Variants in ROCK2 observed in about 807,000 individuals in gnomAD.
ROCK2 encodes the protein Rho associated coiled-coil containing protein kinase 2, also known as rho-associated protein kinase 2.
ROCK2 carries 61 observed loss-of-function variants against 195.1 expected under a neutral mutation model. That is an observed-to-expected ratio of 0.31 (90% CI 0.25 to 0.39). ROCK2 has a LOEUF of 0.39. Among genes scored for constraint, ROCK2 ranks in the 10% least tolerant of loss-of-function variants. The pLI is 1.00. For synonymous variants in ROCK2, 504 were observed against 545.5 expected (o/e 0.92, Z 1.06); for missense variants, 1,109 against 1,637.4 (o/e 0.68, Z 5.57).
chr2:11,270,720 ATC>A (rs1395902376), intron 3 of ROCK2, among the ~76,000 whole-genome samples: 1 of 152,166 alleles, frequency 6.6e-6, no homozygotes, highest in Non-Finnish European at 1.5e-5. Flanking sequence ...TAGGATTTCT[ATC>A]TCTCTACTCA....
chr2:11,334,040 C>T (rs530184320), intron 1 of ROCK2, among the ~76,000 whole-genome samples: 1 of 152,316 alleles, frequency 6.6e-6, no homozygotes, highest in Non-Finnish European at 1.5e-5. Flanking sequence ...TACATGATCT[C>T]CAAATTAATT....
intron 1 of ROCK2, among the ~76,000 whole-genome samples, chr2:11,318,297 T>C (rs1668289326): frequency 6.6e-6 from 1 of 152,238 alleles, no homozygotes; most frequent in African/African-American, 2.4e-5. Context: ...TTTTTAATGA[T>C]AGCCATTCTA....
At chr2:11,263,840 T>C (rs946021933) in intron 3 of ROCK2, among the ~76,000 whole-genome samples, 16 of 151,236 alleles carry the variant, frequency 1.1e-4, no homozygotes, top group Admixed American at 3.3e-4. Flanking sequence ...AAAAGATCCA[T>C]TGAATATACA....
intron 3 of ROCK2, among the ~76,000 whole-genome samples, chr2:11,259,708 T>C (rs7603029): frequency 0.079 from 11,947 of 151,330 alleles, 1,119 homozygotes; most frequent in African/African-American, 0.17. Context: ...TAAGCAGTCC[T>C]ATTTGGCACT....
At chr2:11,199,604 TA>T (rs1663778969) in intron 23 of ROCK2, among the ~76,000 whole-genome samples, 1 of 152,064 alleles carries the variant, frequency 6.6e-6, no homozygotes, top group African/African-American at 2.4e-5. Flanking sequence ...GTGCTGCAAT[TA>T]CAGGCATGAG....
At chr2:11,279,438 C>T (rs1292874191) in intron 3 of ROCK2, among the ~76,000 whole-genome samples, 1 of 152,166 alleles carries the variant, frequency 6.6e-6, no homozygotes, top group Non-Finnish European at 1.5e-5. Context: ...TAAAAAAGGG[C>T]ATTACATAAC....
intron 32 of ROCK2, among the ~76,000 whole-genome samples, chr2:11,188,860 G>A (rs563464969): frequency 1.5e-4 from 23 of 151,986 alleles, no homozygotes; most frequent in East Asian, 7.8e-4. Context: ...TCCTGACCAC[G>A]TGATCCACCT....
intron 29 of ROCK2, 99 bp downstream of exon 29, chr2:11,194,157 A>G: frequency 2.0e-6 from 1 of 507,802 alleles, no homozygotes; most frequent in Non-Finnish European, 3.4e-6. Flanking sequence ...ATGTAACAAT[A>G]TTACAGTAGG....
chr2:11,189,855 A>G (rs1274701658), intron 32 of ROCK2, among the ~76,000 whole-genome samples: 4 of 151,876 alleles, frequency 2.6e-5, no homozygotes, highest in Admixed American at 2.6e-4. Context: ...GCCAGGTGTC[A>G]TGGTGCATGT....
intron 1 of ROCK2, among the ~76,000 whole-genome samples, chr2:11,294,169 T>A (rs912289032): frequency 3.3e-5 from 5 of 149,312 alleles, no homozygotes; most frequent in African/African-American, 4.9e-5. Flanking sequence ...AAAAAAAATT[T>A]AAAAAAAAGT....
In ROCK2 at chr2:11,319,263, A is replaced by G. The variant is rs1020009570; in HGVS notation, c.141+24733T>C. The stretch of plus-strand genomic sequence containing the variant: ...ATGGAATGTTCTTCCATTTGCTTGT[A>G]TCCTCTTTTATTTCGTTGAGCAGTG... On this transcript the variant is annotated intron_variant, in intron 1 of 32. Transcript: ENST00000315872. Among the ~76,000 whole-genome samples, 46 of 152,122 alleles carry G rather than the reference A, an allele frequency of 3.0e-4. 2 individuals are homozygous for G. Among genetic ancestry groups the G allele is most frequent in the Non-Finnish European group, 2.9e-5 (2 of 68,016 alleles).
intron 3 of ROCK2, among the ~76,000 whole-genome samples, chr2:11,278,814 A>G (rs1666910683): frequency 6.6e-6 from 1 of 152,104 alleles, no homozygotes; most frequent in Non-Finnish European, 1.5e-5. Flanking sequence ...GGGTTTTGCC[A>G]TGTTCGCCAG....
At chr2:11,184,665 C>A (rs1663125158) in intron 32 of ROCK2, 1 of 984,620 alleles carries the variant, frequency 1.0e-6, no homozygotes, top group African/African-American at 1.7e-5. Flanking sequence ...TTTTGATTTA[C>A]CCCATTTATT....
chr2:11,215,801 T>C, intron 13 of ROCK2, among the ~76,000 whole-genome samples, 156 bp from the exon 14 acceptor site: 1 of 152,244 alleles, frequency 6.6e-6, no homozygotes, highest in African/African-American at 2.4e-5. Flanking sequence ...GATTGTAAAC[T>C]AGCACACTAC....
At chr2:11,261,909 C>A (rs1225362629) in intron 3 of ROCK2, among the ~76,000 whole-genome samples, 2 of 152,128 alleles carry the variant, frequency 1.3e-5, no homozygotes, top group Non-Finnish European at 1.5e-5. Context: ...AACTATGTGG[C>A]CAATTTATCT....
In ROCK2 at chr2:11,344,126, G is replaced by T; in HGVS notation, c.11C>A (p.Pro4His). The change falls in exon 1 of 33, where the codon CCC becomes CAC. Residue 4 changes from proline to histidine, a missense_variant. Pro to His is a moderately conservative substitution (Grantham distance 77, BLOSUM62 -2). Around this residue, in one of 6 missense-constraint regions of ROCK2, gnomAD observed 64 missense variants for 62.4 expected, o/e 1.03. Transcript: ENST00000315872. This position sits in a 1 kb window ranked among gnomAD's most constrained non-coding sequence, Gnocchi z 5.4. MSR[P>H]PPTGKMPGAP... ...GCCGGGCATTTTCCCCGTCGGCGGGGGCCGGCTCATGCCGCCACCGCTGGA... is the reference window on the plus strand; with the variant it reads ...GCCGGGCATTTTCCCCGTCGGCGGGTGCCGGCTCATGCCGCCACCGCTGGA... 6.8e-7 allele frequency: 1 copy of T among 1,469,374 alleles called. No homozygotes were observed. The highest frequency in any genetic ancestry group is 9.0e-7 in the Non-Finnish European group (1 of 1,117,302). 91.0% of individuals were successfully genotyped at this position (1,469,374 alleles called of 1,614,324 possible).
At chr2:11,205,830 C>T (rs1160079647) in intron 20 of ROCK2, among the ~76,000 whole-genome samples, 3 of 151,952 alleles carry the variant, frequency 2.0e-5, no homozygotes, top group Admixed American at 6.6e-5. Context: ...GATTGGGGGC[C>T]GGGCACAGTG....
At chr2:11,329,057 T>C (rs991053248) in intron 1 of ROCK2, among the ~76,000 whole-genome samples, 1 of 150,118 alleles carries the variant, frequency 6.7e-6, no homozygotes, top group Non-Finnish European at 1.5e-5. Flanking sequence ...CCCTAAAACT[T>C]AAAGTATAAT....
At chr2:11,329,227 A>T (rs533378273) in intron 1 of ROCK2, among the ~76,000 whole-genome samples, 13 of 152,278 alleles carry the variant, frequency 8.5e-5, no homozygotes, top group African/African-American at 3.1e-4. Context: ...TAATGAGATC[A>T]AACAGGGATC....
Sources: allele counts gnomAD v4.1 joint callset (sites outside exome capture counted in the v4.1 genomes callset), GRCh38; gene constraint gnomAD v4.1.1; regional missense constraint gnomAD v4.1.1; non-coding constraint Gnocchi (gnomAD v3.1); transcripts MANE v1.5; gene names NCBI Gene and HGNC (gene_info 2026-07-23, HGNC 2026-07-21).